Variants in VRK2 observed in about 807,000 individuals in gnomAD.
VRK2 encodes serine/threonine-protein kinase VRK2.
A neutral mutation model predicts 57.6 loss-of-function variants in VRK2; 60 were observed. That is an observed-to-expected ratio of 1.04 (90% CI 0.85 to 1.29). The LOEUF is 1.29. Ranked by LOEUF, VRK2 falls within the 50% of genes most tolerant of loss-of-function variation. VRK2 has a pLI of 0.00. For synonymous variants in VRK2, 231 were observed against 199.2 expected, an observed-to-expected ratio of 1.16 and a Z score of -1.35; for missense variants, 705 against 588.1, an observed-to-expected ratio of 1.20 and a Z score of -2.06.
At chr2:58,017,921 T>A (rs772697467) in intron 1 of VRK2, 3 of 152,220 alleles carry the variant, frequency 2.0e-5, no homozygotes, top group Non-Finnish European at 4.4e-5. Context: ...TCGTAGTACA[T>A]ACTGCATCAT....
intron 11 of VRK2, among the ~76,000 whole-genome samples, chr2:58,144,193 T>A (rs1161522997): frequency 1.3e-5 from 2 of 151,630 alleles, no homozygotes; most frequent in African/African-American, 4.8e-5. Context: ...CTAAAAAAAA[T>A]AATAAACTTA....
chr2:57,984,761 A>G (rs1558526126), intron 1 of VRK2, among the ~76,000 whole-genome samples: 1 of 152,110 alleles, frequency 6.6e-6, no homozygotes, highest in Non-Finnish European at 1.5e-5. Flanking sequence ...TGAAAAGAAG[A>G]AAAATAAATT....
intron 1 of VRK2, among the ~76,000 whole-genome samples, chr2:58,020,080 C>G (rs1053065742): frequency 6.6e-6 from 1 of 152,168 alleles, no homozygotes; most frequent in Non-Finnish European, 1.5e-5. Context: ...TAGTAAAACA[C>G]AGAATGCTAA....
chr2:58,128,358 G>T (rs1413963775), intron 8 of VRK2, among the ~76,000 whole-genome samples: 3 of 152,024 alleles, frequency 2.0e-5, no homozygotes, highest in Non-Finnish European at 2.9e-5. Context: ...CTGAGATGGA[G>T]TCTCGCTCTG....
intron 12 of VRK2, among the ~76,000 whole-genome samples, chr2:58,154,978 T>G (rs1250579872): frequency 6.6e-6 from 1 of 152,122 alleles, no homozygotes; most frequent in African/African-American, 2.4e-5. Context: ...CAGTTATTGA[T>G]TTCTAGTTTA....
At chr2:57,992,314 C>G (rs1467013198) in intron 1 of VRK2, among the ~76,000 whole-genome samples, 4 of 152,100 alleles carry the variant, frequency 2.6e-5, no homozygotes, top group African/African-American at 4.8e-5. Flanking sequence ...CATACCATCT[C>G]TAATTTTGAA....
At chr2:58,073,098 A>G (rs1361760819) in intron 2 of VRK2, among the ~76,000 whole-genome samples, 4 of 152,068 alleles carry the variant, frequency 2.6e-5, no homozygotes, top group Admixed American at 2.6e-4. Context: ...TTAGACATAT[A>G]TTGTTTAAAT....
At chr2:58,122,235 T>C (rs1677620717) in intron 7 of VRK2, among the ~76,000 whole-genome samples, 2 of 152,192 alleles carry the variant, frequency 1.3e-5, no homozygotes, top group Non-Finnish European at 2.9e-5. Context: ...AGGAGACTCA[T>C]AACATTAGGT....
chr2:58,030,788 T>C (rs941192152), intron 2 of VRK2, among the ~76,000 whole-genome samples: 4 of 152,058 alleles, frequency 2.6e-5, no homozygotes, highest in South Asian at 4.1e-4. Flanking sequence ...TTCAATTGCA[T>C]GGAGTTGAAA....
chr2:58,062,402 A>G (rs1193511885), intron 2 of VRK2, among the ~76,000 whole-genome samples: 3 of 152,092 alleles, frequency 2.0e-5, no homozygotes, highest in African/African-American at 7.2e-5. Flanking sequence ...TGAAAGAAAG[A>G]GTTATGCATC....
intron 1 of VRK2, among the ~76,000 whole-genome samples, chr2:57,983,145 A>G (rs1041026917): frequency 6.6e-6 from 1 of 151,676 alleles, no homozygotes; most frequent in Non-Finnish European, 1.5e-5. Context: ...TTCTTTCCAA[A>G]CATCTGTTCA....
At chr2:57,943,980 GA>G (rs1671177025) in intron 1 of VRK2, among the ~76,000 whole-genome samples, 1 of 152,160 alleles carries the variant, frequency 6.6e-6, no homozygotes, top group African/African-American at 2.4e-5. Context: ...CTGTGTTCAA[GA>G]AAATCTTATT....
At position 57,994,546 on chromosome 2, in the gene VRK2, C is replaced by T. The variant is rs925982587; in HGVS notation, c.-438-31119C>T. On this transcript the variant is annotated intron_variant, in intron 1 of 15. Transcript: ENST00000417641. ...GAAGAACAAAAATACTCTGAAAGAT[C>T]GAGAAACAAAAACTCAGCTAGGCAT... 3.9e-5 allele frequency among the ~76,000 whole-genome samples: 6 copies of T among 152,050 alleles called. No individual in the cohort carries two copies. In the East Asian group the frequency reaches 9.6e-4, roughly 24 times the overall value.
chr2:57,953,574 G>T lies in VRK2; in HGVS notation c.-439+45735G>T, dbSNP rs540840419. On this transcript the variant is annotated intron_variant, in intron 1 of 15. Coordinates refer to the VRK2 transcript ENST00000417641. ...AAACACTTTTCTGCTTATTAAGGTA[G>T]TTATTATAGTTCCTGTATTCATCTT... is the stretch of plus-strand genomic sequence containing the variant. 7.9e-5 allele frequency among the ~76,000 whole-genome samples: 12 copies of T among 152,248 alleles called. No homozygotes were observed. The South Asian group carries it at 1.9e-3, about 24-fold the overall frequency.
At chr2:58,150,466 G>C (rs1330244748) in intron 12 of VRK2, among the ~76,000 whole-genome samples, 1 of 149,836 alleles carries the variant, frequency 6.7e-6, no homozygotes, top group Non-Finnish European at 1.5e-5. Context: ...TTCTGATAAT[G>C]GTAACTTTTG....
intron 1 of VRK2, among the ~76,000 whole-genome samples, chr2:57,925,431 T>C (rs1434087394): frequency 1.3e-5 from 2 of 152,136 alleles, no homozygotes; most frequent in Non-Finnish European, 2.9e-5. Context: ...TCTTGGTAGA[T>C]TGTATGTGTC....
intron 7 of VRK2, among the ~76,000 whole-genome samples, chr2:58,105,553 T>G (rs1674615004): frequency 6.6e-6 from 1 of 151,850 alleles, no homozygotes; most frequent in Non-Finnish European, 1.5e-5. Context: ...TAACATGTTT[T>G]CTAAAACCCA....
chr2:58,083,922 A>G (rs1671254540), intron 2 of VRK2, among the ~76,000 whole-genome samples, 167 bp from the exon 3 acceptor site: 1 of 151,866 alleles, frequency 6.6e-6, no homozygotes, highest in African/African-American at 2.4e-5. Flanking sequence ...CTTCAGTAGC[A>G]TCTTGTATAA....
intron 2 of VRK2, among the ~76,000 whole-genome samples, chr2:58,069,714 G>T (rs754291008): frequency 6.6e-6 from 1 of 152,008 alleles, no homozygotes; most frequent in Non-Finnish European, 1.5e-5. Flanking sequence ...TGCTGGGATG[G>T]GAAAGAACCG....
Sources: allele counts gnomAD v4.1 joint callset (sites outside exome capture counted in the v4.1 genomes callset), GRCh38; gene constraint gnomAD v4.1.1; transcripts MANE v1.5; gene names NCBI Gene and HGNC (gene_info 2026-07-23, HGNC 2026-07-21).